SNAP91: variants seen among roughly 807,000 people sequenced by gnomAD.
SNAP91 encodes clathrin coat assembly protein AP180.
SNAP91 carries 27 observed loss-of-function variants against 100.3 expected under a neutral mutation model. That is an observed-to-expected ratio of 0.27 (90% CI 0.20 to 0.37). The LOEUF (loss-of-function observed/expected upper bound fraction) is 0.37, where lower values mean the gene tolerates loss of function less well. Among genes scored for constraint, SNAP91 ranks in the 10% least tolerant of loss-of-function variants. SNAP91 has a pLI of 1.00. For missense variants in SNAP91, 986 were observed against 1,123.7 expected, an observed-to-expected ratio of 0.88 and a Z score of 1.75; for synonymous variants, 404 against 398.6, an observed-to-expected ratio of 1.01 and a Z score of -0.16.
At chr6:83,577,926 G>T (rs1054549030) in intron 24 of SNAP91, among the ~76,000 whole-genome samples, 1 of 151,986 alleles carries the variant, frequency 6.6e-6, no homozygotes, top group East Asian at 1.9e-4. Flanking sequence ...CTGTCTGTAT[G>T]CATTTGTCTA....
rs1356032204 is a variant in SNAP91, at chr6:83,605,880, G to A, written c.1023-77C>T. On this transcript the variant is annotated intron_variant, in intron 13 of 29. Coordinates refer to ENST00000369694, the MANE Select transcript of SNAP91 (RefSeq NM_001242792.2). ...AGGTGTTTTTGAATAAAGACATGCA[G>A]AAATCATCAAAGATTTTAGGTATTT... The A allele has an allele frequency of 2.6e-6, 3 of 1,140,636 alleles. No individual in the cohort carries two copies. The African/African-American group carries it at 4.7e-5, about 18-fold the overall frequency. 70.7% of individuals were successfully genotyped at this position (1,140,636 alleles called of 1,614,324 possible).
At chr6:83,707,536 C>T (rs1207572768) in intron 2 of SNAP91, among the ~76,000 whole-genome samples, 5 of 149,066 alleles carry the variant, frequency 3.4e-5, no homozygotes, top group East Asian at 2.0e-4. Context: ...TATACATATG[C>T]GTGTGTGTGT....
intron 8 of SNAP91, among the ~76,000 whole-genome samples, chr6:83,638,185 G>C (rs537047782): frequency 1.3e-5 from 2 of 152,164 alleles, no homozygotes; most frequent in East Asian, 3.9e-4. Context: ...TGGTGGCTCC[G>C]AGCAGGTTTC....
Position 83,656,770 on chromosome 6 carries a change from A to G in SNAP91, c.642T>C (p.Gly214=). 9 of 1,572,442 alleles carry G rather than the reference A, an allele frequency of 5.7e-6. No homozygotes were observed. The highest frequency in any genetic ancestry group is 7.9e-6 in the Non-Finnish European group (9 of 1,146,252). The part of the protein sequence containing the change: ...LIKLFACYND[G]VINLLEKFFE... ...TCCACCTACCGAGTAAGTTAATAAC[A>G]CCATCATTGTAGCAAGCAAAAAGTT... Residue 214 remains glycine, a synonymous_variant, in exon 7 of 30, where the codon GGT becomes GGC. Transcript: ENST00000369694.
intron 8 of SNAP91, 96 bp downstream of exon 8, chr6:83,641,000 T>C: frequency 1.5e-6 from 1 of 680,696 alleles, no homozygotes; most frequent in South Asian, 2.5e-5. Flanking sequence ...AACCCTAATA[T>C]ACTGTGACTC....
chr6:83,663,233 C>T (rs939578891), intron 3 of SNAP91, among the ~76,000 whole-genome samples: 1 of 152,034 alleles, frequency 6.6e-6, no homozygotes, highest in African/African-American at 2.4e-5. Flanking sequence ...CAACTAATAA[C>T]CCTACAATGA....
intron 3 of SNAP91, among the ~76,000 whole-genome samples, chr6:83,662,754 G>GTC (rs1337517350): frequency 3.9e-5 from 6 of 151,968 alleles, no homozygotes; most frequent in Non-Finnish European, 8.8e-5. Flanking sequence ...AAGATTCAAA[G>GTC]AAATCTTTCC....
At chr6:83,621,307 T>C (rs1165565769) in intron 9 of SNAP91, among the ~76,000 whole-genome samples, 1 of 152,198 alleles carries the variant, frequency 6.6e-6, no homozygotes, top group Admixed American at 6.5e-5. Flanking sequence ...TTTTTAATGG[T>C]TGTATAGTAT....
At chr6:83,670,028 A>C (rs1040413689) in intron 2 of SNAP91, among the ~76,000 whole-genome samples, 11 of 151,966 alleles carry the variant, frequency 7.2e-5, no homozygotes, top group Non-Finnish European at 5.9e-5. Flanking sequence ...AGAATAGTTG[A>C]GTCATTTTTA....
chr6:83,686,184 T>C (rs2099057873), intron 2 of SNAP91: 1 of 985,274 alleles, frequency 1.0e-6, no homozygotes, highest in Non-Finnish European at 1.2e-6. Flanking sequence ...CTGTTTTTTG[T>C]TTTTTCTTGT....
chr6:83,644,596 A>T (rs2097845408), intron 7 of SNAP91, among the ~76,000 whole-genome samples: 1 of 152,214 alleles, frequency 6.6e-6, no homozygotes, highest in East Asian at 1.9e-4. Flanking sequence ...TCATACTAGT[A>T]TTAACTTTTG....
chr6:83,665,397 C>G (rs1344813309), intron 3 of SNAP91, 42 bp downstream of exon 3: 14 of 1,586,286 alleles, frequency 8.8e-6, no homozygotes, highest in Non-Finnish European at 1.2e-5. Context: ...TTCCTAAAAG[C>G]CTCCTTCCTC....
chr6:83,613,294 T>C (rs1294807361), intron 11 of SNAP91, among the ~76,000 whole-genome samples: 3 of 152,226 alleles, frequency 2.0e-5, no homozygotes, highest in Admixed American at 1.3e-4. Context: ...CATTGTTTTA[T>C]ATCCCTAGCA....
chr6:83,662,086 T>A (rs1393204881), intron 4 of SNAP91, among the ~76,000 whole-genome samples: 1 of 152,114 alleles, frequency 6.6e-6, no homozygotes. Context: ...CTCCTGTACC[T>A]TCATAAAAAA....
Position 83,610,674 on chromosome 6 carries a change from A to G in SNAP91, c.888T>C (p.Ser296=). ...EGKKPGNNEG[S]GAPSPLSKSS... ...CCTTACTTAATGGAGAGGGAGCACC[A>G]GATCTAAAAGGCAACATAAAAAAAA... Residue 296 remains serine (S), a synonymous_variant, in exon 12 of 30, where the codon TCT becomes TCC. Coordinates refer to ENST00000369694, the MANE Select transcript of SNAP91 (RefSeq NM_001242792.2). 3.5e-6 allele frequency: 2 copies of G among 568,354 alleles called. 1 individual carries two copies. The highest frequency in any genetic ancestry group is 5.0e-5 in the South Asian group (2 of 39,822). 35.2% of individuals were successfully genotyped at this position (568,354 alleles called of 1,614,324 possible).
At chr6:83,699,629 A>C (rs1268671794) in intron 2 of SNAP91, among the ~76,000 whole-genome samples, 1 of 152,238 alleles carries the variant, frequency 6.6e-6, no homozygotes, top group African/African-American at 2.4e-5. Context: ...ATGATAACTG[A>C]AAAGCTGAGA....
chr6:83,658,959 CATTG>C, intron 6 of SNAP91, 36 bp downstream of exon 6: 1 of 1,440,032 alleles, frequency 6.9e-7, no homozygotes, highest in Non-Finnish European at 9.6e-7. Flanking sequence ...TGAAAGACAA[CATTG>C]ATTGTGTATG....
At chr6:83,618,365 A>G (rs2128370881) in intron 9 of SNAP91, among the ~76,000 whole-genome samples, 1 of 151,170 alleles carries the variant, frequency 6.6e-6, no homozygotes, top group African/African-American at 2.4e-5. Flanking sequence ...AAAAGCTTTG[A>G]ACTATAGAGT....
At chr6:83,667,518 T>C (rs1411164392) in intron 2 of SNAP91, among the ~76,000 whole-genome samples, 1 of 152,028 alleles carries the variant, frequency 6.6e-6, no homozygotes, top group African/African-American at 2.4e-5. Flanking sequence ...TTGAGAACTA[T>C]CATTTCCCCT....
Sources: allele counts gnomAD v4.1 joint callset (sites outside exome capture counted in the v4.1 genomes callset), GRCh38; gene constraint gnomAD v4.1.1; transcripts MANE v1.5; gene names NCBI Gene and HGNC (gene_info 2026-07-23, HGNC 2026-07-21).